The following IL27RA variants were observed in gnomAD, a reference collection of about 807,000 sequenced individuals.
IL27RA encodes interleukin 27 receptor subunit alpha.
IL27RA carries 61 observed loss-of-function variants against 80.8 expected under a neutral mutation model. The observed-to-expected ratio is 0.76, with a 90% CI of 0.61 to 0.93. The LOEUF (loss-of-function observed/expected upper bound fraction) is 0.93, where lower values mean the gene tolerates loss of function less well. Among genes scored for constraint, IL27RA ranks in the 40% least tolerant of loss-of-function variants. The pLI, the probability that IL27RA is intolerant of heterozygous loss-of-function variation, is 0.00. For synonymous variants in IL27RA, 316 were observed against 332.5 expected, an observed-to-expected ratio of 0.95 and a Z score of 0.54; for missense variants, 735 against 808.1, an observed-to-expected ratio of 0.91 and a Z score of 1.10.
Position 14,038,585 on chromosome 19 carries a change from AAAAG to A in IL27RA, c.219-921_219-918del, listed in dbSNP as rs1477672845. Among the ~76,000 whole-genome samples the A allele has an allele frequency of 2.3e-3, 344 of 149,888 alleles. 2 individuals are homozygous for A. Among genetic ancestry groups the A allele is most frequent in the African/African-American group, 8.1e-3 (330 of 40,854 alleles). On this transcript the variant is annotated intron_variant, in intron 2 of 13. Transcript: ENST00000263379. ...GTGTCTCTAAAAAAAAAAAAAAAAA[AAAAG>A]AGAGAGAGGAAAGGGCCGGGCGCAG...
chr19:14,032,059 G>A (rs1278335688), intron 1 of IL27RA, 87 bp downstream of exon 1: 1 of 1,203,212 alleles, frequency 8.3e-7, no homozygotes, highest in Non-Finnish European at 1.2e-6. Context: ...CCACGCGTAT[G>A]CAGAGCGAAC....
rs2145696085 is a variant in IL27RA at position 14,049,024 on chromosome 19, A to G, written c.1185A>G (p.Ala395=). The G allele has an allele frequency of 1.9e-6, 3 of 1,614,014 alleles. No homozygotes were observed. Among genetic ancestry groups the G allele is most frequent in the South Asian group, 1.1e-5 (1 of 91,066 alleles). Reference sequence around the variant, plus strand: ...TCCCCTATCGAATCACTGTGACCGCAGTCTCTGCTTCAGGCTTGGCCTCTG... The same window carrying G: ...TCCCCTATCGAATCACTGTGACCGCGGTCTCTGCTTCAGGCTTGGCCTCTG... The part of the protein sequence containing the change: ...VGVPYRITVT[A]VSASGLASAS... Residue 395 remains alanine (A), a synonymous_variant, in exon 9 of 14, where the codon GCA becomes GCG. Coordinates refer to ENST00000263379, the MANE Select transcript of IL27RA (RefSeq NM_004843.4).
At chr19:14,050,976 C>T in intron 11 of IL27RA, 93 bp downstream of exon 11, 2 of 1,333,914 alleles carry the variant, frequency 1.5e-6, no homozygotes, top group Non-Finnish European at 2.0e-6. Context: ...AAGCTAGGTG[C>T]AGTGGCTCAC....
In IL27RA at chr19:14,031,865, G is replaced by C; in HGVS notation, c.-8G>C. 2 of 1,588,860 alleles carry C rather than the reference G, an allele frequency of 1.3e-6. No homozygotes were observed. Among genetic ancestry groups the C allele is most frequent in the East Asian group, 4.6e-5 (2 of 43,566 alleles). On this transcript the variant is annotated 5_prime_UTR_variant, in exon 1 of 14. Transcript: ENST00000263379. ...GCTGGGCCGGACTCGGGGCTCCCGA[G>C]GGACGCCATGCGGGGAGGCAGGGGC...
chr19:14,048,728 GC>G (rs1267271571), intron 8 of IL27RA, among the ~76,000 whole-genome samples: 1 of 152,184 alleles, frequency 6.6e-6, no homozygotes, highest in Non-Finnish European at 1.5e-5. Flanking sequence ...ACTCTGCGAT[GC>G]CTGCTCTCTG....
intron 2 of IL27RA, among the ~76,000 whole-genome samples, chr19:14,035,953 A>T (rs941948825): frequency 6.6e-5 from 10 of 151,668 alleles, no homozygotes; most frequent in Non-Finnish European, 1.5e-4. Flanking sequence ...GCTAATTTTT[A>T]AAAATTTTTT....
At chr19:14,038,587 A>C (rs1247177400) in intron 2 of IL27RA, among the ~76,000 whole-genome samples, 2 of 148,834 alleles carry the variant, frequency 1.3e-5, no homozygotes, top group Non-Finnish European at 3.0e-5. Flanking sequence ...AAAAAAAAAA[A>C]AGAGAGAGAG....
At chr19:14,045,898 G>A (rs1178402703) in intron 6 of IL27RA, among the ~76,000 whole-genome samples, 1 of 151,806 alleles carries the variant, frequency 6.6e-6, no homozygotes, top group Admixed American at 6.6e-5. Context: ...GATGGCAGGC[G>A]CCTGTAATCC....
chr19:14,037,834 C>CTTTTTTTTTTTTTTTTT (rs1555764856), intron 2 of IL27RA, among the ~76,000 whole-genome samples: 14 of 129,416 alleles, frequency 1.1e-4, no homozygotes, highest in African/African-American at 3.7e-4. Context: ...CTCTCTCTCT[C>CTTTTTTTTTTTTTTTTT]TTTTTTTTTT....
intron 8 of IL27RA, among the ~76,000 whole-genome samples, chr19:14,048,697 C>G (rs937915136): frequency 6.6e-6 from 1 of 152,190 alleles, no homozygotes; most frequent in Admixed American, 6.5e-5. Flanking sequence ...TACCCCAGCT[C>G]CGTCCCCCTG....
At position 14,052,903 on chromosome 19, in the gene IL27RA, C is replaced by CAAAAAAAAAAAAAAAAAAAAAGA. The variant is rs113040256; in HGVS notation, c.*629_*630insAAAAAGAAAAAAAAAAAAAAAAA. On this transcript the variant is annotated 3_prime_UTR_variant, in exon 14 of 14. Coordinates refer to ENST00000263379, the MANE Select transcript of IL27RA (RefSeq NM_004843.4). ...CAAAAATAAACAAACTAATAAAAAG[C>CAAAAAAAAAAAAAAAAAAAAAGA]AAAAAAAAAAAAAAAAGAAAAGAAA... is the stretch of plus-strand genomic sequence containing the variant. 2 of 89,834 alleles carry CAAAAAAAAAAAAAAAAAAAAAGA rather than the reference C, an allele frequency of 2.2e-5. No individual in the cohort carries two copies. Among genetic ancestry groups the CAAAAAAAAAAAAAAAAAAAAAGA allele is most frequent in the Non-Finnish European group, 2.6e-5 (1 of 38,894 alleles). 5.6% of individuals were successfully genotyped at this position (89,834 alleles called of 1,614,324 possible). A position where few individuals can be genotyped will look rare whatever the true frequency, so the allele number is the denominator to read the frequency against.
chr19:14,048,663 G>A (rs1976107253), intron 8 of IL27RA, among the ~76,000 whole-genome samples: 1 of 152,144 alleles, frequency 6.6e-6, no homozygotes. Context: ...CCCTCAGCAT[G>A]ACTAATGAGG....
chr19:14,032,009 C>A, intron 1 of IL27RA, 37 bp downstream of exon 1: 1 of 1,543,828 alleles, frequency 6.5e-7, no homozygotes, highest in Non-Finnish European at 8.8e-7. Flanking sequence ...CGGGCGCTGC[C>A]GCTGCGCTCC....
chr19:14,049,647 T>A (rs1367169854), intron 10 of IL27RA, among the ~76,000 whole-genome samples: 1 of 150,736 alleles, frequency 6.6e-6, no homozygotes, highest in Non-Finnish European at 1.5e-5. Flanking sequence ...AATGGCACGA[T>A]CTCAGCTCAC....
At chr19:14,034,985 TA>T (rs75364262) in intron 2 of IL27RA, among the ~76,000 whole-genome samples, 52,154 of 150,970 alleles carry the variant, frequency 0.35, 12,149 homozygotes, top group African/African-American at 0.66. Flanking sequence ...ACATAAAACT[TA>T]ACGATATTTT....
chr19:14,035,426 G>T (rs1473153769), intron 2 of IL27RA, among the ~76,000 whole-genome samples: 1 of 150,132 alleles, frequency 6.7e-6, no homozygotes, highest in Non-Finnish European at 1.5e-5. Context: ...ATGGAGTTTC[G>T]CTCTTGTTGC....
intron 2 of IL27RA, among the ~76,000 whole-genome samples, chr19:14,038,289 C>T (rs1030601220): frequency 5.9e-5 from 9 of 151,964 alleles, no homozygotes; most frequent in East Asian, 1.9e-4. Flanking sequence ...ACCACAAGTG[C>T]GCGCCACTAC....
intron 4 of IL27RA, among the ~76,000 whole-genome samples, chr19:14,040,682 C>T (rs1450622361): frequency 2.6e-5 from 4 of 151,658 alleles, no homozygotes; most frequent in Non-Finnish European, 2.9e-5. Flanking sequence ...AGTAGCTGGG[C>T]GTGCTGGTGG....
intron 12 of IL27RA, 52 bp downstream of exon 12, chr19:14,051,752 C>A: frequency 6.8e-7 from 1 of 1,476,472 alleles, no homozygotes; most frequent in Admixed American, 1.8e-5. Flanking sequence ...GGCAGCTGGG[C>A]ATTTTGCTGA....
Sources: gnomAD v4.1 joint callset for allele counts (sites outside exome capture counted in the v4.1 genomes callset) on GRCh38, gnomAD v4.1.1 for gene constraint, MANE v1.5 for transcripts, NCBI Gene and HGNC (gene_info 2026-07-23, HGNC 2026-07-21) for gene names.